USP32: variants seen among roughly 807,000 people sequenced by gnomAD.
USP32 encodes ubiquitin specific peptidase 32, also known as ubiquitin carboxyl-terminal hydrolase 32.
USP32 carries 59 observed loss-of-function variants against 204.8 expected under a neutral mutation model. The ratio of observed to expected loss-of-function variants is 0.29; its 90% CI spans 0.23 to 0.36. The LOEUF (loss-of-function observed/expected upper bound fraction) is 0.36. USP32 is among the 10% of genes least tolerant of loss of function. The probability of loss-of-function intolerance (pLI) is 1.00; values close to 1 mark genes in which losing one functional copy is unlikely to be tolerated. For missense variants in USP32, 1,160 were observed against 1,946.4 expected (o/e 0.60, Z 7.60); for synonymous variants, 517 against 678.4 (o/e 0.76, Z 3.70).
At chr17:60,390,544 A>C (rs2089813878) in intron 1 of USP32, among the ~76,000 whole-genome samples, 1 of 151,754 alleles carries the variant, frequency 6.6e-6, no homozygotes, top group Non-Finnish European at 1.5e-5. Flanking sequence ...CAAGGGAAAA[A>C]GAAAGAAAGA....
At chr17:60,260,301 A>C (rs990756066) in intron 9 of USP32, among the ~76,000 whole-genome samples, 1 of 152,126 alleles carries the variant, frequency 6.6e-6, no homozygotes, top group Non-Finnish European at 1.5e-5. Flanking sequence ...CAGGTGGATC[A>C]CCTGAGGTCA....
chr17:60,238,803 CAAAAA>C (rs562875704), intron 11 of USP32, among the ~76,000 whole-genome samples: 1 of 95,756 alleles, frequency 1.0e-5, no homozygotes, highest in Non-Finnish European at 2.2e-5. Flanking sequence ...GACTCCATCT[CAAAAA>C]AAAAAAAAAA....
At chr17:60,312,434 C>CGTTGTT (rs781374534) in intron 2 of USP32, among the ~76,000 whole-genome samples, 1 of 151,686 alleles carries the variant, frequency 6.6e-6, no homozygotes, top group South Asian at 2.1e-4. Context: ...TTGTCGTTGT[C>CGTTGTT]GTTGTTGTTG....
upstream of USP32, among the ~76,000 whole-genome samples, chr17:60,396,332 C>A (rs1231027048): frequency 6.6e-6 from 1 of 152,138 alleles, no homozygotes; most frequent in Non-Finnish European, 1.5e-5. Context: ...CTGCCTTAGT[C>A]TCCCAAAGTG....
intron 5 of USP32, among the ~76,000 whole-genome samples, chr17:60,282,706 A>G (rs1318887855): frequency 6.6e-6 from 1 of 152,198 alleles, no homozygotes; most frequent in Non-Finnish European, 1.5e-5. Context: ...GTTAAACCTT[A>G]TTTAAACATG....
intron 12 of USP32, among the ~76,000 whole-genome samples, chr17:60,229,161 T>TC (rs2085478458): frequency 6.6e-6 from 1 of 152,042 alleles, no homozygotes; most frequent in Admixed American, 6.6e-5. Context: ...AAGTGATCCT[T>TC]CCACCTCAGC....
upstream of USP32, chr17:60,392,346 A>C: frequency 3.6e-6 from 1 of 278,346 alleles, no homozygotes; most frequent in Non-Finnish European, 7.0e-6. Flanking sequence ...AACCGCGCGC[A>C]GGAGCGCCGG....
At chr17:60,400,216 C>T (rs1300408107) in intron 1 of USP32, among the ~76,000 whole-genome samples, 1 of 152,158 alleles carries the variant, frequency 6.6e-6, no homozygotes. Context: ...CCACCTGCCT[C>T]GGCCTCCAGA....
At chr17:60,311,485 A>T (rs2087852293) in intron 2 of USP32, among the ~76,000 whole-genome samples, 1 of 152,202 alleles carries the variant, frequency 6.6e-6, no homozygotes, top group Non-Finnish European at 1.5e-5. Context: ...GACTTATAAC[A>T]TACCAAAAAC....
intron 30 of USP32, among the ~76,000 whole-genome samples, chr17:60,184,823 A>AG (rs1394368757): frequency 1.3e-5 from 2 of 152,072 alleles, no homozygotes; most frequent in Non-Finnish European, 2.9e-5. Context: ...AAAAAAAAAA[A>AG]AAAAAACATA....
In USP32 at chr17:60,308,697, G is replaced by A. The variant is rs541723598; in HGVS notation, c.187-6993C>T. On this transcript the variant is annotated intron_variant, in intron 2 of 33. Transcript: ENST00000300896. ...AATCCCAGCACTTTGGGAGGCTGAGGCAAGTGGATCACTTGAGGTCAGGAG... is the reference window on the plus strand; with the variant it reads ...AATCCCAGCACTTTGGGAGGCTGAGACAAGTGGATCACTTGAGGTCAGGAG... Among the ~76,000 whole-genome samples, 17 of 152,298 alleles carry A rather than the reference G, an allele frequency of 1.1e-4. No individual in the cohort carries two copies. The South Asian group carries it at 3.1e-3, about 28-fold the overall frequency.
chr17:60,306,201 G>A (rs1200914042), intron 2 of USP32, among the ~76,000 whole-genome samples: 2 of 152,140 alleles, frequency 1.3e-5, no homozygotes, highest in African/African-American at 2.4e-5. Context: ...TTTCATTTTC[G>A]GATTTAGAAG....
chr17:60,409,490 A>AG (rs1457890447), intron 1 of USP32, among the ~76,000 whole-genome samples: 1 of 152,244 alleles, frequency 6.6e-6, no homozygotes, highest in Non-Finnish European at 1.5e-5. Flanking sequence ...AAGCAATCAG[A>AG]GGGAAAAAAA....
Position 60,226,118 on chromosome 17 carries a change from G to A in USP32, c.1353C>T (p.Leu451=), listed in dbSNP as rs1209235491. The A allele has an allele frequency of 7.5e-6, 12 of 1,608,208 alleles. No homozygotes were observed. Among genetic ancestry groups the A allele is most frequent in the Non-Finnish European group, 9.3e-6 (11 of 1,178,010 alleles). ...EQVEDRIGSS[L]SYVNTTEEKF... ...TCTCTTCTGTAGTATTCACGTAACT[G>A]AGGCTGCTTCCAATTCTATCTTCGA... Residue 451 remains leucine (L), a synonymous_variant, in exon 13 of 34, where the codon CTC becomes CTT. Coordinates refer to ENST00000300896, the MANE Select transcript of USP32 (RefSeq NM_032582.4).
rs527866081 is a variant in USP32, at chr17:60,214,559, C to A, written c.2022+61G>T. On this transcript the variant is annotated intron_variant, in intron 17 of 33. Transcript: ENST00000300896. Reference sequence around the variant, plus strand: ...AAAGAAGTTTAGCAAATTTCTTTTACTATTTAAAATTAAACAAATACCAAC... The same window carrying A: ...AAAGAAGTTTAGCAAATTTCTTTTAATATTTAAAATTAAACAAATACCAAC... 6 of 1,532,136 alleles carry A rather than the reference C, an allele frequency of 3.9e-6. No homozygotes were observed. The Admixed American group carries it at 1.1e-4, about 28-fold the overall frequency. 94.9% of individuals were successfully genotyped at this position (1,532,136 alleles called of 1,614,324 possible). A position where few individuals can be genotyped will look rare whatever the true frequency, so the allele number is the denominator to read the frequency against.
intron 1 of USP32, among the ~76,000 whole-genome samples, chr17:60,413,978 A>G (rs951560642): frequency 6.6e-6 from 1 of 151,956 alleles, no homozygotes; most frequent in Non-Finnish European, 1.5e-5. Flanking sequence ...TGGTTTGGGA[A>G]CAGTCCTCTG....
At chr17:60,245,819 T>C (rs549359116) in intron 11 of USP32, among the ~76,000 whole-genome samples, 8 of 152,114 alleles carry the variant, frequency 5.3e-5, no homozygotes, top group South Asian at 2.1e-4. Flanking sequence ...AGTGTTCATA[T>C]AGGAATGTCT....
At chr17:60,324,188 G>A (rs764510986) in intron 2 of USP32, among the ~76,000 whole-genome samples, 12 of 151,878 alleles carry the variant, frequency 7.9e-5, no homozygotes, top group African/African-American at 1.9e-4. Context: ...AGGCTAAAGC[G>A]GGAAGATTGG....
intron 12 of USP32, chr17:60,231,572 C>T (rs566091192): frequency 3.9e-6 from 2 of 518,146 alleles, no homozygotes; most frequent in South Asian, 1.4e-5. Flanking sequence ...TGACGACGAT[C>T]CTCGAGGGCT....
Sources: gnomAD v4.1 joint callset for allele counts (sites outside exome capture counted in the v4.1 genomes callset) on GRCh38, gnomAD v4.1.1 for gene constraint, MANE v1.5 for transcripts, NCBI Gene and HGNC (gene_info 2026-07-23, HGNC 2026-07-21) for gene names.